NFIA: variants seen among roughly 807,000 people sequenced by gnomAD.
NFIA encodes nuclear factor 1 A-type.
A neutral mutation model predicts 62.8 loss-of-function variants in NFIA; 8 were observed. The observed-to-expected ratio is 0.13, with a 90% CI of 0.07 to 0.23. The LOEUF is 0.23. Among genes scored for constraint, NFIA ranks in the 10% least tolerant of loss-of-function variants. The pLI, the probability that NFIA is intolerant of heterozygous loss-of-function variation, is 1.00. For synonymous variants in NFIA, 235 were observed against 238.1 expected, an observed-to-expected ratio of 0.99 and a Z score of 0.12; for missense variants, 410 against 642.1, an observed-to-expected ratio of 0.64 and a Z score of 3.91.
chr1:61,448,244 G>A (rs1309506596), intron 10 of NFIA, among the ~76,000 whole-genome samples: 3 of 152,132 alleles, frequency 2.0e-5, no homozygotes, highest in Non-Finnish European at 2.9e-5. Flanking sequence ...ATAAACTTGA[G>A]CCAATTCCTT....
intron 6 of NFIA, among the ~76,000 whole-genome samples, chr1:61,379,402 CTTTTTTTTTT>C (rs60735193): frequency 2.0e-5 from 2 of 98,264 alleles, no homozygotes; most frequent in African/African-American, 8.0e-5. Context: ...TTTTCTTTTT[CTTTTTTTTTT>C]TTTTTTTTTT....
At position 61,107,878 on chromosome 1, in the gene NFIA, A is replaced by G. The variant is rs547558562; in HGVS notation, c.559+19198A>G. Reference sequence around the variant, plus strand: ...ATTTCATTTTATTCTGTATGAATGGACAGTTTTCACTTTATCACTTATTGA... The same window carrying G: ...ATTTCATTTTATTCTGTATGAATGGGCAGTTTTCACTTTATCACTTATTGA... On this transcript the variant is annotated intron_variant, in intron 2 of 10. Coordinates refer to ENST00000403491, the MANE Select transcript of NFIA (RefSeq NM_001134673.4). Among the ~76,000 whole-genome samples the G allele has an allele frequency of 1.4e-4, 21 of 151,766 alleles. No homozygotes were observed. In the South Asian group the frequency reaches 4.4e-3, roughly 31 times the overall value.
intron 3 of NFIA, among the ~76,000 whole-genome samples, chr1:61,329,877 G>A: frequency 6.6e-6 from 1 of 152,298 alleles, no homozygotes; most frequent in South Asian, 2.1e-4. Flanking sequence ...AGAGATGATA[G>A]ACAGCACAGT....
intron 2 of NFIA, among the ~76,000 whole-genome samples, chr1:61,154,561 C>T: frequency 6.6e-6 from 1 of 152,212 alleles, no homozygotes; most frequent in Admixed American, 6.5e-5. Flanking sequence ...AGTGATCCTC[C>T]CACCTCAGCC....
At chr1:61,091,925 A>G (rs1646327941) in intron 2 of NFIA, among the ~76,000 whole-genome samples, 1 of 151,822 alleles carries the variant, frequency 6.6e-6, no homozygotes, top group Non-Finnish European at 1.5e-5. Flanking sequence ...CAGTCAAATT[A>G]GTTAGATTTT....
chr1:61,407,544 A>T (rs1665903994), intron 9 of NFIA, among the ~76,000 whole-genome samples: 4 of 152,124 alleles, frequency 2.6e-5, no homozygotes, highest in Admixed American at 2.6e-4. Flanking sequence ...TGGAATAATG[A>T]CAAAAAGAGT....
intron 5 of NFIA, among the ~76,000 whole-genome samples, chr1:61,356,411 C>A (rs2100437845): frequency 6.6e-6 from 1 of 152,240 alleles, no homozygotes; most frequent in East Asian, 1.9e-4. Context: ...TAGAAAGAGG[C>A]CAGAAACCAT....
At chr1:61,342,266 A>G (rs551802435) in intron 4 of NFIA, among the ~76,000 whole-genome samples, 2 of 152,038 alleles carry the variant, frequency 1.3e-5, no homozygotes, top group South Asian at 4.2e-4. Context: ...TTGGTTTCCT[A>G]ATAGCTAATG....
chr1:61,452,254 AATT>A (rs57519983), intron 10 of NFIA, among the ~76,000 whole-genome samples: 11,635 of 148,158 alleles, frequency 0.079, 498 homozygotes, highest in Non-Finnish European at 0.088. Context: ...GAGATGTATG[AATT>A]ATTATTATTA....
intron 3 of NFIA, among the ~76,000 whole-genome samples, chr1:61,309,977 CTCTTT>C (rs1660011605): frequency 6.6e-6 from 1 of 152,184 alleles, no homozygotes; most frequent in Non-Finnish European, 1.5e-5. Flanking sequence ...GCAGTTGCTT[CTCTTT>C]TAACTTTTTA....
intron 3 of NFIA, among the ~76,000 whole-genome samples, chr1:61,289,432 C>A (rs1658723353): frequency 6.6e-6 from 1 of 152,126 alleles, no homozygotes; most frequent in Admixed American, 6.5e-5. Flanking sequence ...GAAACTGAGA[C>A]ACAAAGAATT....
chr1:61,157,724 A>G (rs1648913824), intron 2 of NFIA, among the ~76,000 whole-genome samples: 2 of 152,178 alleles, frequency 1.3e-5, no homozygotes, highest in Non-Finnish European at 2.9e-5. Flanking sequence ...TAACACAGAA[A>G]AAGACTTTGG....
At chr1:61,374,770 A>G (rs571452928) in intron 6 of NFIA, among the ~76,000 whole-genome samples, 19 of 152,346 alleles carry the variant, frequency 1.2e-4, no homozygotes, top group African/African-American at 4.6e-4. Context: ...CAATGGCTAC[A>G]TATAGAGTAA....
intron 3 of NFIA, among the ~76,000 whole-genome samples, chr1:61,316,991 T>A (rs1454455239): frequency 6.6e-6 from 1 of 152,190 alleles, no homozygotes; most frequent in Non-Finnish European, 1.5e-5. Flanking sequence ...TTATATGCCT[T>A]TTTATACCAT....
intron 2 of NFIA, among the ~76,000 whole-genome samples, chr1:61,143,371 A>G (rs929431899): frequency 2.0e-5 from 3 of 152,006 alleles, no homozygotes; most frequent in Admixed American, 6.6e-5. Context: ...GTAGCTGAAC[A>G]CTTCATATGT....
intron 2 of NFIA, among the ~76,000 whole-genome samples, chr1:61,260,859 C>T (rs1442650245): frequency 1.3e-5 from 2 of 152,214 alleles, no homozygotes; most frequent in Non-Finnish European, 2.9e-5. Context: ...GGATTACAGG[C>T]GTGAGCCCCT....
At chr1:61,229,418 T>C (rs981957208) in intron 2 of NFIA, among the ~76,000 whole-genome samples, 2 of 152,194 alleles carry the variant, frequency 1.3e-5, no homozygotes, top group Non-Finnish European at 2.9e-5. Context: ...TATTTTCTCA[T>C]GTACATAGGC....
intron 2 of NFIA, among the ~76,000 whole-genome samples, chr1:61,239,710 C>A (rs1441722040): frequency 6.6e-6 from 1 of 152,062 alleles, no homozygotes; most frequent in Non-Finnish European, 1.5e-5. Flanking sequence ...TCTTTAAACA[C>A]TTAATATATT....
intron 3 of NFIA, among the ~76,000 whole-genome samples, chr1:61,293,436 G>A (rs998438975): frequency 1.3e-5 from 2 of 152,196 alleles, no homozygotes; most frequent in Non-Finnish European, 2.9e-5. Context: ...TAAAGCTGCA[G>A]CTTGGCTAAG....
Sources: gnomAD v4.1 joint callset for allele counts (sites outside exome capture counted in the v4.1 genomes callset) on GRCh38, gnomAD v4.1.1 for gene constraint, MANE v1.5 for transcripts, NCBI Gene and HGNC (gene_info 2026-07-23, HGNC 2026-07-21) for gene names.